The following MAMDC2 variants were observed in gnomAD, a reference collection of about 807,000 sequenced individuals.
MAMDC2 encodes MAM domain containing 2.
Under a neutral mutation model 89.8 loss-of-function variants are expected in MAMDC2, and 57 were observed. That is an observed-to-expected ratio of 0.63 (90% CI 0.51 to 0.79). The LOEUF (loss-of-function observed/expected upper bound fraction) is 0.79. Among genes scored for constraint, MAMDC2 ranks in the 30% least tolerant of loss-of-function variants. The probability of loss-of-function intolerance (pLI) is 0.00; values close to 1 mark genes in which losing one functional copy is unlikely to be tolerated. For missense variants in MAMDC2, 800 were observed against 820.6 expected (o/e 0.97, Z 0.31); for synonymous variants, 313 against 293.4 (o/e 1.07, Z -0.68).
At chr9:70,224,049 C>CA (rs1027147337) in intron 12 of MAMDC2, among the ~76,000 whole-genome samples, 2 of 151,794 alleles carry the variant, frequency 1.3e-5, no homozygotes, top group Admixed American at 6.6e-5. Context: ...ACTTGAAGGC[C>CA]AAAAAAACAG....
At chr9:70,072,778 T>C (rs990242612) in intron 2 of MAMDC2, among the ~76,000 whole-genome samples, 4 of 152,046 alleles carry the variant, frequency 2.6e-5, no homozygotes, top group Non-Finnish European at 5.9e-5. Context: ...AAAAGTACAC[T>C]AAAAATTAAA....
intron 9 of MAMDC2, among the ~76,000 whole-genome samples, chr9:70,162,311 A>G (rs546669085): frequency 8.5e-5 from 13 of 152,212 alleles, no homozygotes; most frequent in African/African-American, 3.1e-4. Flanking sequence ...ACCCAACAAA[A>G]TTTATTTCCT....
chr9:70,072,700 A>T (rs1377122393), intron 2 of MAMDC2, among the ~76,000 whole-genome samples: 1 of 152,104 alleles, frequency 6.6e-6, no homozygotes, highest in African/African-American at 2.4e-5. Flanking sequence ...ATGAGACTGT[A>T]TTGTCTCTTT....
intron 11 of MAMDC2, among the ~76,000 whole-genome samples, chr9:70,213,457 G>A (rs1379340636): frequency 2.0e-5 from 3 of 151,988 alleles, no homozygotes; most frequent in African/African-American, 7.3e-5. Context: ...TTAGGGTATT[G>A]TTTCCATCTA....
chr9:70,224,049 C>A (rs2033608368), intron 12 of MAMDC2, among the ~76,000 whole-genome samples: 1 of 151,794 alleles, frequency 6.6e-6, no homozygotes, highest in Non-Finnish European at 1.5e-5. Context: ...ACTTGAAGGC[C>A]AAAAAAACAG....
chr9:70,127,254 T>G (rs903738116), intron 6 of MAMDC2, among the ~76,000 whole-genome samples: 6 of 152,170 alleles, frequency 3.9e-5, no homozygotes, highest in African/African-American at 1.4e-4. Flanking sequence ...GGACATTTTT[T>G]TCTAGGTCAC....
chr9:70,049,363 C>G (rs1187733837), intron 2 of MAMDC2, among the ~76,000 whole-genome samples: 1 of 152,182 alleles, frequency 6.6e-6, no homozygotes, highest in East Asian at 1.9e-4. Context: ...GTTCTGCACT[C>G]AGTCATGTGC....
chr9:70,211,410 C>T (rs1421704070), intron 11 of MAMDC2, among the ~76,000 whole-genome samples: 1 of 152,178 alleles, frequency 6.6e-6, no homozygotes, highest in Non-Finnish European at 1.5e-5. Context: ...TCTTCCATTT[C>T]ATCGAATCAG....
intron 2 of MAMDC2, among the ~76,000 whole-genome samples, chr9:70,070,779 T>C (rs148543719): frequency 6.6e-6 from 1 of 152,204 alleles, no homozygotes; most frequent in African/African-American, 2.4e-5. Context: ...TCTTATCCCA[T>C]TTCTTATTTG....
intron 7 of MAMDC2, among the ~76,000 whole-genome samples, chr9:70,134,197 C>T (rs759812589): frequency 7.9e-5 from 12 of 152,038 alleles, no homozygotes; most frequent in African/African-American, 2.7e-4. Flanking sequence ...CATCTGGTTG[C>T]GTTTAGAGTT....
intron 2 of MAMDC2, among the ~76,000 whole-genome samples, chr9:70,098,300 A>G (rs1315274134): frequency 6.6e-6 from 1 of 152,172 alleles, no homozygotes; most frequent in Non-Finnish European, 1.5e-5. Context: ...TACCAGTAAT[A>G]TTTGATAGCA....
rs3015215 is a variant in MAMDC2 at position 70,109,621 on chromosome 9, T to C, written c.421-99T>C. 17,929 of 933,682 alleles carry C rather than the reference T, an allele frequency of 0.019. 1,524 individuals carry two copies. In the African/African-American group the frequency reaches 0.21, roughly 11 times the overall value. 57.8% of individuals were successfully genotyped at this position (933,682 alleles called of 1,614,324 possible). A position where few individuals can be genotyped will look rare whatever the true frequency, so the allele number is the denominator to read the frequency against. ...TGAGACTAACAATCCTGTTTTGCCT[T>C]AAGTGGCTGAACAGCTCCAGACTAA... is the stretch of plus-strand genomic sequence containing the variant. On this transcript the variant is annotated intron_variant, in intron 3 of 13. Transcript: ENST00000377182.
chr9:70,073,508 A>T (rs1047123422), intron 2 of MAMDC2, among the ~76,000 whole-genome samples: 1 of 152,182 alleles, frequency 6.6e-6, no homozygotes, highest in African/African-American at 2.4e-5. Context: ...TGCAGCTTGG[A>T]TACCTCTCCT....
intron 2 of MAMDC2, among the ~76,000 whole-genome samples, chr9:70,064,894 A>G (rs901321466): frequency 3.3e-5 from 5 of 152,206 alleles, no homozygotes; most frequent in Non-Finnish European, 7.3e-5. Context: ...TAGTTTGTCT[A>G]TATAACCTCG....
At chr9:70,201,262 AG>A (rs1404668878) in intron 11 of MAMDC2, among the ~76,000 whole-genome samples, 1 of 7,596 alleles carries the variant, frequency 1.3e-4, no homozygotes, top group Non-Finnish European at 2.1e-4. Context: ...TTTAGCATGA[AG>A]GGTTGTTGAA....
chr9:70,206,841 C>G (rs375442527), intron 11 of MAMDC2, among the ~76,000 whole-genome samples: 47 of 152,134 alleles, frequency 3.1e-4, no homozygotes, highest in African/African-American at 1.1e-3. Context: ...CAAGTGTTCT[C>G]ATTGTTCAAT....
At chr9:70,117,208 C>T (rs2030044878) in intron 5 of MAMDC2, among the ~76,000 whole-genome samples, 1 of 152,310 alleles carries the variant, frequency 6.6e-6, no homozygotes, top group South Asian at 2.1e-4. Context: ...TTTATATTTA[C>T]ATTCTTGCAT....
At chr9:70,133,285 C>T (rs1270227114) in intron 7 of MAMDC2, among the ~76,000 whole-genome samples, 2 of 152,134 alleles carry the variant, frequency 1.3e-5, no homozygotes, top group Admixed American at 6.5e-5. Context: ...CCAACTGAAT[C>T]ACCCACAAGT....
In MAMDC2 at chr9:70,143,789, A is replaced by C; in HGVS notation, c.1374A>C (p.Glu458Asp). The C allele has an allele frequency of 6.2e-7, 1 of 1,614,180 alleles. No individual in the cohort carries two copies. Among genetic ancestry groups the C allele is most frequent in the East Asian group, 2.2e-5 (1 of 44,882 alleles). Residue 458 changes from glutamate to aspartate, a missense_variant, in exon 9 of 14, where the codon GAA becomes GAC. Coordinates refer to ENST00000377182, the MANE Select transcript of MAMDC2 (RefSeq NM_153267.5). ...CAAGGGGTGTTTGGATGCAAGCTGAAATCACCTTTAAGAAGCCCATGCCTA... is the reference window on the plus strand; with the variant it reads ...CAAGGGGTGTTTGGATGCAAGCTGACATCACCTTTAAGAAGCCCATGCCTA... The part of the protein sequence containing the change: ...ESPRGVWMQA[E>D]ITFKKPMPTK...
Sources: gnomAD v4.1 joint callset for allele counts (sites outside exome capture counted in the v4.1 genomes callset) on GRCh38, gnomAD v4.1.1 for gene constraint, MANE v1.5 for transcripts, NCBI Gene and HGNC (gene_info 2026-07-23, HGNC 2026-07-21) for gene names.